KCNJ3: variants seen among roughly 807,000 people sequenced by gnomAD.
The protein encoded by KCNJ3 is G protein-activated inward rectifier potassium channel 1.
Under a neutral mutation model 39.2 loss-of-function variants are expected in KCNJ3, and 4 were observed. The ratio of observed to expected loss-of-function variants is 0.10; its 90% CI spans 0.05 to 0.23. The LOEUF (loss-of-function observed/expected upper bound fraction) is 0.23. KCNJ3 is among the 10% of genes least tolerant of loss of function. The probability of loss-of-function intolerance (pLI) is 1.00; values close to 1 mark genes in which losing one functional copy is unlikely to be tolerated. For missense variants in KCNJ3, 276 were observed against 634.9 expected, an observed-to-expected ratio of 0.43 and a Z score of 6.08; for synonymous variants, 230 against 237.4, an observed-to-expected ratio of 0.97 and a Z score of 0.29.
Position 154,699,876 on chromosome 2 carries a change from A to G in KCNJ3, c.702+399A>G, listed in dbSNP as rs1419648200. Among the ~76,000 whole-genome samples the G allele has an allele frequency of 6.6e-6, 1 of 152,142 alleles. No homozygotes were observed. The highest frequency in any genetic ancestry group is 1.9e-4 in the East Asian group (1 of 5,162). On this transcript the variant is annotated intron_variant, in intron 1 of 2. Coordinates refer to ENST00000295101, the MANE Select transcript of KCNJ3 (RefSeq NM_002239.4). The surrounding 1 kb of genome is among the most constrained non-coding windows in gnomAD (Gnocchi z 6.4). ...ATTCAATGCGAGGTACTAGAACTCA[A>G]CTGAACAGCTGTTATTTTGAAGAAA...
intron 2 of KCNJ3, among the ~76,000 whole-genome samples, chr2:154,738,581 C>A (rs1319629546): frequency 6.6e-6 from 1 of 151,386 alleles, no homozygotes; most frequent in African/African-American, 2.4e-5. Context: ...CTATATACTA[C>A]AAAAAATAAA....
rs190985157 is a variant in KCNJ3 at position 154,698,757 on chromosome 2, T to C, written c.-19T>C. The C allele has an allele frequency of 5.5e-6, 8 of 1,446,570 alleles. No homozygotes were observed. The highest frequency in any genetic ancestry group is 7.5e-6 in the Non-Finnish European group (8 of 1,065,316). The allele number at this position is 1,446,570 out of a possible 1,614,324, so 89.6% of individuals were successfully genotyped here. A position where few individuals can be genotyped will look rare whatever the true frequency, so the allele number is the denominator to read the frequency against. On this transcript the variant is annotated 5_prime_UTR_variant, in exon 1 of 3. Transcript: ENST00000295101. ...TGCGCCTTCGCTTCGCGTTTGAATC[T>C]GGCTCGCCCCTTCGTATTATGTCTG... is the stretch of plus-strand genomic sequence containing the variant.
chr2:154,757,902 C>T (rs1263172469), intron 2 of KCNJ3, among the ~76,000 whole-genome samples: 1 of 152,172 alleles, frequency 6.6e-6, no homozygotes, highest in African/African-American at 2.4e-5. Flanking sequence ...TTAATCACTT[C>T]TCAAAGACCC....
At chr2:154,767,416 A>G (rs1686154743) in intron 2 of KCNJ3, among the ~76,000 whole-genome samples, 1 of 151,858 alleles carries the variant, frequency 6.6e-6, no homozygotes, top group African/African-American at 2.4e-5. Context: ...ATTCCCAACT[A>G]TGAGTGAGAA....
At chr2:154,774,091 A>G (rs1287303411) in intron 2 of KCNJ3, among the ~76,000 whole-genome samples, 2 of 152,172 alleles carry the variant, frequency 1.3e-5, no homozygotes, top group Non-Finnish European at 2.9e-5. Context: ...TATGTTTAAA[A>G]TTTCATTCAG....
At chr2:154,768,262 A>G (rs1686171265) in intron 2 of KCNJ3, among the ~76,000 whole-genome samples, 1 of 152,180 alleles carries the variant, frequency 6.6e-6, no homozygotes, top group Non-Finnish European at 1.5e-5. Context: ...GTCTTTGCCC[A>G]TGCCTATGTC....
At chr2:154,791,842 T>C (rs2105210812) in intron 2 of KCNJ3, among the ~76,000 whole-genome samples, 1 of 152,134 alleles carries the variant, frequency 6.6e-6, no homozygotes, top group Middle Eastern at 3.4e-3. Flanking sequence ...GCAAACAGAA[T>C]TCATTTACTC....
chr2:154,779,417 C>T (rs1353687115), intron 2 of KCNJ3, among the ~76,000 whole-genome samples: 1 of 146,516 alleles, frequency 6.8e-6, no homozygotes, highest in East Asian at 2.0e-4. Context: ...GGTCAGTTTA[C>T]TAGACTTGAT....
At chr2:154,712,881 A>C (rs1558853520) in intron 2 of KCNJ3, among the ~76,000 whole-genome samples, 1 of 152,050 alleles carries the variant, frequency 6.6e-6, no homozygotes, top group African/African-American at 2.4e-5. Context: ...AAGAGGGGAC[A>C]CTCAAGCTGA....
chr2:154,750,877 T>C (rs530318269), intron 2 of KCNJ3, among the ~76,000 whole-genome samples: 1 of 152,206 alleles, frequency 6.6e-6, no homozygotes, highest in South Asian at 2.1e-4. Context: ...ACTTTTTTCC[T>C]TGGTGGTAGA....
Position 154,699,195 on chromosome 2 carries a change from G to A in KCNJ3, c.420G>A (p.Thr140=). 1.2e-6 allele frequency: 2 copies of A among 1,614,066 alleles called. No homozygotes were observed. Among genetic ancestry groups the A allele is most frequent in the East Asian group, 2.2e-5 (1 of 44,862 alleles). Residue 140 remains threonine (T), a synonymous_variant, in exon 1 of 3, where the codon ACG becomes ACA. Transcript: ENST00000295101. The surrounding 1 kb of genome is among the most constrained non-coding windows in gnomAD (Gnocchi z 6.4). ...FPSAFLFFIE[T]EATIGYGYRY... is the part of the protein sequence containing the mutation. ...CTGCCTTCCTCTTCTTCATCGAGAC[G>A]GAGGCCACCATCGGCTATGGCTACC...
intron 1 of KCNJ3, among the ~76,000 whole-genome samples, chr2:154,702,896 C>T (rs919990969): frequency 3.3e-5 from 5 of 150,800 alleles, no homozygotes; most frequent in South Asian, 2.1e-4. Context: ...TTTGTTTTAC[C>T]CAGAAAATAA....
chr2:154,793,411 G>T (rs1296444828), intron 2 of KCNJ3, among the ~76,000 whole-genome samples: 1 of 151,952 alleles, frequency 6.6e-6, no homozygotes, highest in African/African-American at 2.4e-5. Flanking sequence ...GCTAGAAACT[G>T]CAGGCCTATA....
rs186772889 is a variant in KCNJ3, at chr2:154,765,676, G to T, written c.919+55857G>T. On this transcript the variant is annotated intron_variant, in intron 2 of 2. Coordinates refer to ENST00000295101, the MANE Select transcript of KCNJ3 (RefSeq NM_002239.4). ...TGATTATATTAATATTTAGCCTAGTGGTTCCTTAACTGGGTGCCACAGCAC... is the reference window on the plus strand; with the variant it reads ...TGATTATATTAATATTTAGCCTAGTTGTTCCTTAACTGGGTGCCACAGCAC... Among the ~76,000 whole-genome samples, 206 of 152,260 alleles carry T rather than the reference G, an allele frequency of 1.4e-3. 1 individual carries two copies. The highest frequency in any genetic ancestry group is 2.5e-3 in the Non-Finnish European group (173 of 68,032).
At chr2:154,718,310 A>T (rs904344392) in intron 2 of KCNJ3, among the ~76,000 whole-genome samples, 38 of 152,182 alleles carry the variant, frequency 2.5e-4, no homozygotes, top group Admixed American at 2.3e-3. Flanking sequence ...GCAACTTTTT[A>T]TGAGGAGTTC....
At chr2:154,703,479 ATGTG>A (rs3138640) in intron 1 of KCNJ3, among the ~76,000 whole-genome samples, 2,163 of 148,278 alleles carry the variant, frequency 0.015, 40 homozygotes, top group East Asian at 0.12. Flanking sequence ...CTCCATATAT[ATGTG>A]TGTGTGTGTG....
At chr2:154,854,291 C>A (rs1223863822) in intron 2 of KCNJ3, among the ~76,000 whole-genome samples, 1 of 152,078 alleles carries the variant, frequency 6.6e-6, no homozygotes, top group Non-Finnish European at 1.5e-5. Context: ...TAAAGTGATA[C>A]TCAGTTAAAT....
chr2:154,719,270 T>C (rs1685229156), intron 2 of KCNJ3, among the ~76,000 whole-genome samples: 1 of 152,202 alleles, frequency 6.6e-6, no homozygotes, highest in African/African-American at 2.4e-5. Context: ...TAGTATTTAT[T>C]GAATTAACTA....
intron 1 of KCNJ3, among the ~76,000 whole-genome samples, chr2:154,702,760 T>A (rs913499876): frequency 8.6e-5 from 13 of 151,986 alleles, no homozygotes; most frequent in African/African-American, 2.9e-4. Flanking sequence ...CTCATTAAAA[T>A]CTGTGATTGA....
Sources: allele counts gnomAD v4.1 joint callset (sites outside exome capture counted in the v4.1 genomes callset), GRCh38; gene constraint gnomAD v4.1.1; non-coding constraint Gnocchi (gnomAD v3.1); transcripts MANE v1.5; gene names NCBI Gene and HGNC (gene_info 2026-07-23, HGNC 2026-07-21).